CCBE1: variants seen among roughly 807,000 people sequenced by gnomAD.
CCBE1 encodes the protein collagen and calcium-binding EGF domain-containing protein 1.
A neutral mutation model predicts 50.0 loss-of-function variants in CCBE1; 37 were observed. That is an observed-to-expected ratio of 0.74 (90% CI 0.57 to 0.97). The LOEUF (loss-of-function observed/expected upper bound fraction) is 0.97. Among genes scored for constraint, CCBE1 ranks in the 50% least tolerant of loss-of-function variants. CCBE1 has a pLI of 0.00. For synonymous variants in CCBE1, 234 were observed against 203.7 expected (o/e 1.15, Z -1.27); for missense variants, 538 against 523.8 (o/e 1.03, Z -0.26).
intron 2 of CCBE1, among the ~76,000 whole-genome samples, chr18:59,555,065 T>G (rs1300399894): frequency 6.6e-6 from 1 of 152,244 alleles, no homozygotes; most frequent in Non-Finnish European, 1.5e-5. Flanking sequence ...CCCAACAACT[T>G]GCTAGACAGG....
chr18:59,471,266 T>C (rs1912022514), intron 3 of CCBE1, among the ~76,000 whole-genome samples: 2 of 152,228 alleles, frequency 1.3e-5, no homozygotes, highest in South Asian at 4.1e-4. Flanking sequence ...CTTCTGATTC[T>C]TTCTATACTC....
intron 2 of CCBE1, among the ~76,000 whole-genome samples, chr18:59,564,783 G>A (rs2052794987): frequency 6.6e-6 from 1 of 152,246 alleles, no homozygotes; most frequent in African/African-American, 2.4e-5. Context: ...GAAGACCATT[G>A]AGAAAGGCTG....
intron 2 of CCBE1, among the ~76,000 whole-genome samples, chr18:59,531,417 A>T (rs1405995584): frequency 6.6e-6 from 1 of 152,152 alleles, no homozygotes; most frequent in Admixed American, 6.5e-5. Context: ...AAAGAATAAC[A>T]GAAACAAATG....
At chr18:59,520,017 G>A (rs1294412078) in intron 2 of CCBE1, among the ~76,000 whole-genome samples, 1 of 152,158 alleles carries the variant, frequency 6.6e-6, no homozygotes, top group African/African-American at 2.4e-5. Flanking sequence ...CCTCTGCTCT[G>A]TTCCATTTGT....
chr18:59,630,056 C>A (rs139815315), intron 2 of CCBE1, among the ~76,000 whole-genome samples: 2,337 of 152,272 alleles, frequency 0.015, 33 homozygotes, highest in Middle Eastern at 0.054. Context: ...TCTACTGGCT[C>A]GCCAAGATCC....
At chr18:59,694,035 C>G (rs554128654) in intron 2 of CCBE1, among the ~76,000 whole-genome samples, 5 of 151,920 alleles carry the variant, frequency 3.3e-5, no homozygotes, top group Non-Finnish European at 7.4e-5. Flanking sequence ...CCACACCATG[C>G]TAATTTTTGT....
At chr18:59,673,682 T>A (rs1420031153) in intron 2 of CCBE1, among the ~76,000 whole-genome samples, 7 of 152,234 alleles carry the variant, frequency 4.6e-5, no homozygotes, top group Admixed American at 4.6e-4. Flanking sequence ...AGGCCTTTTC[T>A]GCATCTATTG....
At chr18:59,448,776 T>C (rs1377389695) in intron 6 of CCBE1, among the ~76,000 whole-genome samples, 2 of 152,232 alleles carry the variant, frequency 1.3e-5, no homozygotes, top group Non-Finnish European at 2.9e-5. Flanking sequence ...TTACTCAGAA[T>C]TCAGTAGGGA....
At chr18:59,474,084 CT>C (rs1194188945) in intron 3 of CCBE1, among the ~76,000 whole-genome samples, 1 of 152,174 alleles carries the variant, frequency 6.6e-6, no homozygotes, top group African/African-American at 2.4e-5. Context: ...TTTTTTATGA[CT>C]GTGTAGTATT....
At chr18:59,549,840 G>A (rs546858800) in intron 2 of CCBE1, among the ~76,000 whole-genome samples, 4 of 152,302 alleles carry the variant, frequency 2.6e-5, no homozygotes, top group African/African-American at 7.2e-5. Context: ...AAAGAGTACA[G>A]CAATGTGACA....
At chr18:59,640,512 C>CA (rs2053972874) in intron 2 of CCBE1, among the ~76,000 whole-genome samples, 1 of 152,010 alleles carries the variant, frequency 6.6e-6, no homozygotes, top group African/African-American at 2.4e-5. Context: ...ACATAATGCC[C>CA]AAGACTATAA....
At chr18:59,676,953 A>G (rs1386228573) in intron 2 of CCBE1, among the ~76,000 whole-genome samples, 4 of 152,198 alleles carry the variant, frequency 2.6e-5, no homozygotes, top group Admixed American at 6.5e-5. Context: ...ACTGAGCTCA[A>G]CTGAGGGAGG....
At chr18:59,670,647 C>T (rs927036505) in intron 2 of CCBE1, among the ~76,000 whole-genome samples, 1 of 152,294 alleles carries the variant, frequency 6.6e-6, no homozygotes, top group East Asian at 1.9e-4. Flanking sequence ...AATCCATTAT[C>T]CTAAATAATT....
Position 59,601,010 on chromosome 18 carries a change from G to GTTTT in CCBE1, c.212+95615_212+95618dup, listed in dbSNP as rs71177045. Among the ~76,000 whole-genome samples the GTTTT allele has an allele frequency of 2.2e-3, 128 of 58,008 alleles. 50 individuals are homozygous for GTTTT. The highest frequency in any genetic ancestry group is 4.0e-3 in the Non-Finnish European group (114 of 28,342). 38.1% of individuals were successfully genotyped at this position (58,008 alleles called of 152,430 possible). A position where few individuals can be genotyped will look rare whatever the true frequency, so the allele number is the denominator to read the frequency against. On this transcript the variant is annotated intron_variant, in intron 2 of 10. Transcript: ENST00000439986. ...GATCTATTTTATTAGCTATGTGTCA[G>GTTTT]TTTTTTTTTTTTTTTTTTTTTTTTT...
intron 2 of CCBE1, among the ~76,000 whole-genome samples, chr18:59,494,383 G>A (rs1454468979): frequency 1.3e-5 from 2 of 152,150 alleles, no homozygotes; most frequent in African/African-American, 2.4e-5. Flanking sequence ...CCTTTAGGAT[G>A]TCTCTCCCAA....
At chr18:59,643,215 A>G (rs1568249872) in intron 2 of CCBE1, among the ~76,000 whole-genome samples, 1 of 152,150 alleles carries the variant, frequency 6.6e-6, no homozygotes, top group African/African-American at 2.4e-5. Context: ...ATCCCAATCT[A>G]GTATTATTCA....
chr18:59,596,171 CAG>C (rs1418283005), intron 2 of CCBE1, among the ~76,000 whole-genome samples: 3 of 152,228 alleles, frequency 2.0e-5, no homozygotes, highest in Admixed American at 1.3e-4. Flanking sequence ...ATAAAGGAAG[CAG>C]AGTCTCTTTT....
chr18:59,542,259 G>T (rs1915498872), intron 2 of CCBE1, among the ~76,000 whole-genome samples: 1 of 145,814 alleles, frequency 6.9e-6, no homozygotes, highest in Non-Finnish European at 1.5e-5. Flanking sequence ...CCTATTGCTA[G>T]AGATATTCAG....
chr18:59,637,302 G>A (rs1043584466), intron 2 of CCBE1, among the ~76,000 whole-genome samples: 1 of 152,100 alleles, frequency 6.6e-6, no homozygotes, highest in Non-Finnish European at 1.5e-5. Flanking sequence ...GTTCAATGAT[G>A]TTACAATTCT....
Sources: allele counts gnomAD v4.1 joint callset (sites outside exome capture counted in the v4.1 genomes callset), GRCh38; gene constraint gnomAD v4.1.1; transcripts MANE v1.5; gene names NCBI Gene and HGNC (gene_info 2026-07-23, HGNC 2026-07-21).